SYT16: variants seen among roughly 807,000 people sequenced by gnomAD.
SYT16 encodes the protein synaptotagmin-16.
In SYT16, 42 loss-of-function variants were observed where a neutral mutation model predicts 61.4. The ratio of observed to expected loss-of-function variants is 0.68; its 90% CI spans 0.53 to 0.89. The LOEUF (loss-of-function observed/expected upper bound fraction) is 0.89. Among genes scored for constraint, SYT16 ranks in the 40% least tolerant of loss-of-function variants. The pLI is 0.00. For synonymous variants in SYT16, 314 were observed against 302.3 expected (o/e 1.04, Z -0.40); for missense variants, 804 against 807.3 (o/e 1.00, Z 0.05).
At chr14:61,960,529 G>A (rs1197440760) in intron 1 of SYT16, among the ~76,000 whole-genome samples, 1 of 152,150 alleles carries the variant, frequency 6.6e-6, no homozygotes, top group East Asian at 1.9e-4. Flanking sequence ...AGGGATGCCA[G>A]TGATTTTCAT....
chr14:62,049,362 A>G (rs1224712832), intron 3 of SYT16, among the ~76,000 whole-genome samples: 1 of 152,020 alleles, frequency 6.6e-6, no homozygotes, highest in Non-Finnish European at 1.5e-5. Flanking sequence ...TTTTGAGCAT[A>G]TATGTGTCTC....
chr14:61,831,741 T>G (rs1163677522), intron 1 of SYT16: 1 of 165,270 alleles, frequency 6.1e-6, no homozygotes, highest in East Asian at 1.6e-4. Flanking sequence ...TTTTTTTCTT[T>G]CAGGTAAACT....
At position 62,100,565 on chromosome 14, in the gene SYT16, G is replaced by T. The variant is rs746304551; in HGVS notation, c.1796G>T (p.Arg599Leu). Reference sequence around the variant, plus strand: ...TTGATGATTTCCGTTTATAACAGGCGTACTATGAAGCGTAAAGAGATGATT... The same window carrying T: ...TTGATGATTTCCGTTTATAACAGGCTTACTATGAAGCGTAAAGAGATGATT... ...VTLMISVYNRRTMKRKEMIGW... is the reference protein window; with the variant it reads ...VTLMISVYNRLTMKRKEMIGW... Residue 599 changes from arginine (R) to leucine (L), a missense_variant, in exon 8 of 8, where the codon CGT becomes CTT. Physicochemically the swap from Arg to Leu is moderately radical, Grantham distance 102 (BLOSUM62 -2). Transcript: ENST00000683842. 6.2e-7 allele frequency: 1 copy of T among 1,613,686 alleles called. No homozygotes were observed. The highest frequency in any genetic ancestry group is 8.5e-7 in the Non-Finnish European group (1 of 1,179,830).
At chr14:62,095,596 T>C (rs954911523) in intron 7 of SYT16, among the ~76,000 whole-genome samples, 1 of 151,410 alleles carries the variant, frequency 6.6e-6, no homozygotes, top group African/African-American at 2.4e-5. Flanking sequence ...AGAAACTATA[T>C]ACACACACAC....
intron 1 of SYT16, among the ~76,000 whole-genome samples, chr14:61,949,840 A>G (rs2050599461): frequency 6.6e-6 from 1 of 152,182 alleles, no homozygotes; most frequent in South Asian, 2.1e-4. Flanking sequence ...GATGTTCCCT[A>G]AGGAGGCACA....
At chr14:62,043,907 A>C (rs2054852049) in intron 3 of SYT16, among the ~76,000 whole-genome samples, 2 of 150,320 alleles carry the variant, frequency 1.3e-5, no homozygotes, top group Non-Finnish European at 3.0e-5. Context: ...TCCTGGCCTC[A>C]AGCAATCCTC....
chr14:61,831,875 C>T (rs949405038), intron 1 of SYT16: 5 of 462,910 alleles, frequency 1.1e-5, no homozygotes, highest in Non-Finnish European at 1.7e-5. Context: ...TTCTTCCACT[C>T]GTTCTTGTCA....
At chr14:61,886,192 C>T (rs1208909261) in intron 1 of SYT16, among the ~76,000 whole-genome samples, 2 of 152,020 alleles carry the variant, frequency 1.3e-5, no homozygotes, top group East Asian at 3.9e-4. Context: ...TCTCGATCTC[C>T]TGACCTCGTG....
intron 2 of SYT16, among the ~76,000 whole-genome samples, chr14:61,988,976 A>G (rs1229502372): frequency 1.3e-5 from 2 of 152,122 alleles, no homozygotes; most frequent in African/African-American, 4.8e-5. Flanking sequence ...ATCCACCTGT[A>G]TTACACATAT....
chr14:62,043,099 C>CTT (rs58063130), intron 3 of SYT16, among the ~76,000 whole-genome samples: 14,542 of 136,932 alleles, frequency 0.11, 859 homozygotes, highest in African/African-American at 0.13. Context: ...TGTGGTTTCT[C>CTT]TTTTTTTTTT....
intron 1 of SYT16, among the ~76,000 whole-genome samples, chr14:61,833,631 G>A (rs1016753745): frequency 3.3e-5 from 5 of 149,426 alleles, no homozygotes; most frequent in South Asian, 2.1e-4. Context: ...TGTTGGCCAG[G>A]CTGGTCTTGA....
intron 7 of SYT16, among the ~76,000 whole-genome samples, chr14:62,099,944 A>G (rs145038129): frequency 9.7e-4 from 148 of 152,290 alleles, no homozygotes; most frequent in Admixed American, 2.0e-3. Context: ...ACACAGACAT[A>G]TGAATATGTA....
rs2057594467 is a variant in SYT16, at chr14:62,110,763, A to G, written c.*10056A>G. 1 of 152,110 alleles carries G rather than the reference A, an allele frequency of 6.6e-6. No individual in the cohort carries two copies. The highest frequency in any genetic ancestry group is 2.4e-5 in the African/African-American group (1 of 41,460). 9.4% of individuals were successfully genotyped at this position (152,110 alleles called of 1,614,324 possible). A position where few individuals can be genotyped will look rare whatever the true frequency, so the allele number is the denominator to read the frequency against. ...GAGTTGAATGCAGACCTTTCTTTAG[A>G]ACAACCTAACTTTGAGTACAGGCAA... On this transcript the variant is annotated 3_prime_UTR_variant, in exon 8 of 8. Coordinates refer to ENST00000683842, the MANE Select transcript of SYT16 (RefSeq NM_001367656.1).
intron 1 of SYT16, among the ~76,000 whole-genome samples, chr14:61,953,354 G>A (rs543548974): frequency 6.6e-6 from 1 of 152,122 alleles, no homozygotes; most frequent in African/African-American, 2.4e-5. Flanking sequence ...GCTGGTCAAA[G>A]CAAGAGAAAT....
intron 1 of SYT16, among the ~76,000 whole-genome samples, chr14:61,958,276 T>G (rs2140493473): frequency 6.6e-6 from 1 of 151,950 alleles, no homozygotes; most frequent in African/African-American, 2.4e-5. Context: ...GTCCATTTTT[T>G]TTCTGATCTT....
At chr14:61,850,150 T>C (rs1566626557) in intron 1 of SYT16, among the ~76,000 whole-genome samples, 1 of 152,050 alleles carries the variant, frequency 6.6e-6, no homozygotes, top group Non-Finnish European at 1.5e-5. Flanking sequence ...CTTTTTTTTT[T>C]TGAGACGGAC....
chr14:61,873,134 G>A (rs1174410965), intron 1 of SYT16, among the ~76,000 whole-genome samples: 1 of 152,158 alleles, frequency 6.6e-6, no homozygotes, highest in African/African-American at 2.4e-5. Context: ...TCCTTCCTGG[G>A]AAAAGAGGAC....
intron 3 of SYT16, among the ~76,000 whole-genome samples, chr14:62,051,044 G>C (rs765932263): frequency 1.3e-5 from 2 of 152,246 alleles, no homozygotes; most frequent in Non-Finnish European, 2.9e-5. Flanking sequence ...GCTGCCTTTT[G>C]TTTGGCTATG....
At chr14:61,979,770 T>C (rs2051986424) in intron 2 of SYT16, among the ~76,000 whole-genome samples, 1 of 151,988 alleles carries the variant, frequency 6.6e-6, no homozygotes, top group Non-Finnish European at 1.5e-5. Context: ...TAGTCCCTGC[T>C]ACCCAGGAGG....
Sources: allele counts gnomAD v4.1 joint callset (sites outside exome capture counted in the v4.1 genomes callset), GRCh38; gene constraint gnomAD v4.1.1; transcripts MANE v1.5; gene names NCBI Gene and HGNC (gene_info 2026-07-23, HGNC 2026-07-21).